The following ZNF292 variants were observed in gnomAD, a reference collection of about 807,000 sequenced individuals.
ZNF292 encodes the protein zinc finger protein 292.
In ZNF292, 26 loss-of-function variants were observed where a neutral mutation model predicts 217.9. The ratio of observed to expected loss-of-function variants is 0.12; its 90% CI spans 0.09 to 0.17. ZNF292 has a LOEUF of 0.17. ZNF292 is among the 10% of genes least tolerant of loss of function. The pLI, the probability that ZNF292 is intolerant of heterozygous loss-of-function variation, is 1.00. For missense variants in ZNF292, 2,904 were observed against 3,175.2 expected (o/e 0.91, Z 2.05); for synonymous variants, 1,257 against 1,124.1 (o/e 1.12, Z -2.37).
intron 1 of ZNF292, among the ~76,000 whole-genome samples, chr6:87,206,187 C>T (rs1772247598): frequency 1.3e-5 from 2 of 152,312 alleles, no homozygotes; most frequent in African/African-American, 2.4e-5. Context: ...GTCCTACTAT[C>T]ACTTCTGCCC....
rs773806093 is a variant in ZNF292 at position 87,260,399 on chromosome 6, A to G, written c.6770A>G (p.Lys2257Arg). 3.7e-6 allele frequency: 6 copies of G among 1,613,510 alleles called. No individual in the cohort carries two copies. In the African/African-American group the frequency reaches 4.0e-5, roughly 11 times the overall value. The change falls in exon 8 of 8, where the codon AAA (lysine) becomes AGA (arginine). Residue 2257 changes from lysine (K) to arginine (R), a missense_variant. Around this residue, in one of 15 missense-constraint regions of ZNF292, gnomAD observed 55 missense variants for 99.8 expected, o/e 0.55. Transcript: ENST00000369577. ...AAAACAGAAGAAGATGGTGTATACA[A>G]ATGTGATTGTGAAGGCTGTGACCGT... ...ASKTEEDGVY[K>R]CDCEGCDRIY...
chr6:87,233,036 T>A (rs1331788471), intron 4 of ZNF292, among the ~76,000 whole-genome samples: 1 of 152,112 alleles, frequency 6.6e-6, no homozygotes, highest in Non-Finnish European at 1.5e-5. Context: ...TTTAATAACA[T>A]TGACTATTAG....
chr6:87,221,256 C>CA (rs757554547), intron 4 of ZNF292, among the ~76,000 whole-genome samples: 5 of 152,070 alleles, frequency 3.3e-5, no homozygotes, highest in Non-Finnish European at 5.9e-5. Context: ...CAATACAAGT[C>CA]AAGTAGATGG....
intron 1 of ZNF292, among the ~76,000 whole-genome samples, chr6:87,157,762 C>T (rs932700462): frequency 2.0e-5 from 3 of 152,184 alleles, no homozygotes; most frequent in Admixed American, 1.3e-4. Context: ...GATCTCAGCT[C>T]ACTGCAGCCT....
At chr6:87,247,005 A>G (rs1046255554) in intron 7 of ZNF292, among the ~76,000 whole-genome samples, 2 of 151,998 alleles carry the variant, frequency 1.3e-5, no homozygotes, top group Admixed American at 1.3e-4. Flanking sequence ...AATAAAGAAA[A>G]TTAGCTGTTC....
rs184991765 is a variant in ZNF292, at chr6:87,261,042, G to A, written c.7413G>A (p.Lys2471=). The A allele has an allele frequency of 7.9e-5, 127 of 1,602,990 alleles. 2 individuals carry two copies. In the East Asian group the frequency reaches 2.5e-3, roughly 31 times the overall value. ...NSRTTATVSQ[K]EVEKNEKDEM... is the part of the protein sequence containing the mutation. ...GAACAACAGCTACAGTTTCACAAAA[G>A]GAAGTTGAAAAAAATGAAAAAGATG... Residue 2471 remains lysine, a synonymous_variant, in exon 8 of 8, where the codon AAG becomes AAA. Coordinates refer to ENST00000369577, the MANE Select transcript of ZNF292 (RefSeq NM_015021.3).
chr6:87,226,414 G>A (rs571133522), intron 4 of ZNF292, among the ~76,000 whole-genome samples: 5 of 151,946 alleles, frequency 3.3e-5, no homozygotes, highest in African/African-American at 1.2e-4. Flanking sequence ...AGCAGGAGAG[G>A]GGATGGGAGG....
At chr6:87,169,452 C>T (rs1771027196) in intron 1 of ZNF292, among the ~76,000 whole-genome samples, 1 of 152,016 alleles carries the variant, frequency 6.6e-6, no homozygotes, top group South Asian at 2.1e-4. Context: ...TTCCTCATTG[C>T]AGACAGTGTT....
At chr6:87,236,637 C>G (rs1298788136) in intron 5 of ZNF292, among the ~76,000 whole-genome samples, 3 of 152,116 alleles carry the variant, frequency 2.0e-5, no homozygotes, top group African/African-American at 7.2e-5. Context: ...ATCTCTGTAG[C>G]TGTCTCATTT....
chr6:87,258,770 C>T lies in ZNF292; in HGVS notation c.5141C>T (p.Thr1714Ile), dbSNP rs781469787. The T allele has an allele frequency of 1.9e-6, 3 of 1,613,540 alleles. No individual in the cohort carries two copies. The highest frequency in any genetic ancestry group is 1.7e-4 in the Middle Eastern group (1 of 6,058). Residue 1714 changes from threonine to isoleucine, a missense_variant, in exon 8 of 8, where the codon ACA becomes ATA. Physicochemically the swap from Thr to Ile is moderately conservative, Grantham distance 89. Around this residue, in one of 15 missense-constraint regions of ZNF292, gnomAD observed 622 missense variants for 573.1 expected, o/e 1.09. Coordinates refer to ENST00000369577, the MANE Select transcript of ZNF292 (RefSeq NM_015021.3). Reference protein sequence around the residue: ...ENFKTSLESHTVLAPLTLKTE... With the variant: ...ENFKTSLESHIVLAPLTLKTE... ...TTCAAAACCAGTCTTGAGTCCCATA[C>T]AGTGTTAGCCCCTTTAACATTAAAA...
At chr6:87,167,379 G>C (rs1303601003) in intron 1 of ZNF292, among the ~76,000 whole-genome samples, 1 of 152,200 alleles carries the variant, frequency 6.6e-6, no homozygotes, top group Non-Finnish European at 1.5e-5. Context: ...AGTGGCTCAT[G>C]CCTGTAATCT....
chr6:87,171,826 T>A (rs1377859425), intron 1 of ZNF292, among the ~76,000 whole-genome samples: 1 of 152,200 alleles, frequency 6.6e-6, no homozygotes, highest in Non-Finnish European at 1.5e-5. Context: ...GCACATCTAC[T>A]TGTAAACCAG....
At chr6:87,172,249 G>A (rs542537508) in intron 1 of ZNF292, among the ~76,000 whole-genome samples, 2 of 152,074 alleles carry the variant, frequency 1.3e-5, no homozygotes, top group African/African-American at 2.4e-5. Flanking sequence ...TCATTAAAAA[G>A]TAATCAGGAA....
chr6:87,195,726 A>G (rs1269291044), intron 1 of ZNF292, among the ~76,000 whole-genome samples: 4 of 152,194 alleles, frequency 2.6e-5, no homozygotes, highest in Non-Finnish European at 5.9e-5. Flanking sequence ...AATTTGAAAC[A>G]TTAGAAAAAT....
chr6:87,212,076 C>T (rs1168696781), intron 1 of ZNF292, among the ~76,000 whole-genome samples: 1 of 152,180 alleles, frequency 6.6e-6, no homozygotes, highest in East Asian at 1.9e-4. Flanking sequence ...TCACAACCCC[C>T]TCCTCAGGGT....
intron 1 of ZNF292, among the ~76,000 whole-genome samples, chr6:87,166,810 A>G (rs1425641659): frequency 3.9e-5 from 6 of 152,260 alleles, no homozygotes; most frequent in Admixed American, 2.0e-4. Context: ...TGCATGCTCT[A>G]TGTCCTCAGA....
At chr6:87,223,475 C>T (rs1227205925) in intron 4 of ZNF292, 1 of 152,164 alleles carries the variant, frequency 6.6e-6, no homozygotes, top group East Asian at 1.9e-4. Context: ...TTCTCCCTTT[C>T]CATGTTATAT....
At chr6:87,247,855 A>G (rs534260097) in intron 7 of ZNF292, among the ~76,000 whole-genome samples, 2 of 152,358 alleles carry the variant, frequency 1.3e-5, no homozygotes, top group South Asian at 2.1e-4. Context: ...GACCAAGCAG[A>G]TCGTAAAAAG....
chr6:87,216,108 GACACACACACACACACACACAC>G (rs57115253), intron 2 of ZNF292, 51 bp downstream of exon 2: 58 of 516,108 alleles, frequency 1.1e-4, no homozygotes, highest in Admixed American at 9.2e-4. Flanking sequence ...AAAATACATA[GACACACACACACACACACACAC>G]ACACACACAC....
Sources: gnomAD v4.1 joint callset for allele counts (sites outside exome capture counted in the v4.1 genomes callset) on GRCh38, gnomAD v4.1.1 for gene constraint, gnomAD v4.1.1 regional missense constraint, MANE v1.5 for transcripts, NCBI Gene and HGNC (gene_info 2026-07-23, HGNC 2026-07-21) for gene names.